The following KANSL3 variants were observed in gnomAD, a reference collection of about 807,000 sequenced individuals.
KANSL3 encodes the protein NSL complex protein NSL3.
In KANSL3, 16 loss-of-function variants were observed where a neutral mutation model predicts 89.2. That is an observed-to-expected ratio of 0.18 (90% CI 0.12 to 0.27). KANSL3 has a LOEUF of 0.27. KANSL3 is among the 10% of genes least tolerant of loss of function. KANSL3 has a pLI of 1.00. For synonymous variants in KANSL3, 385 were observed against 419.7 expected (o/e 0.92, Z 1.01); for missense variants, 879 against 1,110.6 (o/e 0.79, Z 2.96).
intron 14 of KANSL3, 123 bp downstream of exon 14, chr2:96,608,385 G>C (rs2068328935): frequency 3.2e-6 from 3 of 944,714 alleles, no homozygotes; most frequent in Non-Finnish European, 3.2e-6. Flanking sequence ...GCACAGAAAT[G>C]TGAGAAAGGG....
At chr2:96,611,250 C>T (rs1186912721) in intron 9 of KANSL3, 112 bp from the exon 10 acceptor site, 4 of 812,704 alleles carry the variant, frequency 4.9e-6, no homozygotes, top group Non-Finnish European at 8.5e-6. Context: ...TCTTCCTCTC[C>T]TGTCCTAATA....
rs576382900 is a variant in KANSL3, at chr2:96,632,592, A to G, written c.216-1110T>C. ...AATTTAGAAGACCAGCTAGGCAGCC[A>G]CTGCAGTTGACTGAGATGGGCCAGA... On this transcript the variant is annotated intron_variant, in intron 2 of 20. Transcript: ENST00000431828. Among the ~76,000 whole-genome samples, 18 of 152,360 alleles carry G rather than the reference A, an allele frequency of 1.2e-4. No homozygotes were observed. The South Asian group carries it at 3.5e-3, about 30-fold the overall frequency.
chr2:96,604,316 C>T lies in KANSL3; in HGVS notation c.2083G>A (p.Ala695Thr). The T allele has an allele frequency of 6.2e-7, 1 of 1,613,356 alleles. No homozygotes were observed. The highest frequency in any genetic ancestry group is 1.3e-5 in the African/African-American group (1 of 75,040). ...TGCAGTGTGTGCAAGGCACTGGGTG[C>T]AGTGCTGCTGGAGACCACTGAAGGG... The part of the protein sequence containing the change: ...PVPSVVSSST[A>T]PSALHTLQSR... Residue 695 changes from alanine to threonine, a missense_variant, in exon 17 of 21, where the codon GCA (alanine) becomes ACA (threonine). Around this residue, in one of 6 missense-constraint regions of KANSL3, gnomAD observed 317 missense variants for 311.2 expected, o/e 1.02. Transcript: ENST00000431828.
At chr2:96,636,623 T>C in intron 2 of KANSL3, 1 of 309,642 alleles carries the variant, frequency 3.2e-6, no homozygotes, top group Non-Finnish European at 5.9e-6. Flanking sequence ...TTCAGTCTTT[T>C]TCTTCACCAG....
chr2:96,597,175 T>C (rs563906282), intron 20 of KANSL3, among the ~76,000 whole-genome samples: 3 of 152,332 alleles, frequency 2.0e-5, no homozygotes, highest in South Asian at 4.1e-4. Flanking sequence ...AATACCATTA[T>C]CACACATTAA....
intron 2 of KANSL3, 199 bp from the exon 3 acceptor site, chr2:96,631,681 T>C (rs1423948417): frequency 1.5e-6 from 1 of 684,154 alleles, no homozygotes; most frequent in African/African-American, 1.8e-5. Context: ...CATGATGGTA[T>C]GTACTGGAAG....
the KANSL3 span, among the ~76,000 whole-genome samples, chr2:96,582,320 C>A: frequency 5.3e-5 from 8 of 152,210 alleles, no homozygotes; most frequent in East Asian, 1.5e-3. Context: ...ATCGCTTGAA[C>A]CCAGGAGGTG....
At chr2:96,584,345 T>C in the KANSL3 span, among the ~76,000 whole-genome samples, 2 of 152,294 alleles carry the variant, frequency 1.3e-5, no homozygotes, top group East Asian at 3.9e-4. Context: ...TGGCATATAA[T>C]TGTATGTATT....
In KANSL3 at chr2:96,611,903, A is replaced by ATGTG. The variant is rs59217274; in HGVS notation, c.1086+375_1086+378dup. On this transcript the variant is annotated intron_variant, in intron 9 of 20. Transcript: ENST00000431828. ...TTTTTTTCCACAGATATATACCCAT[A>ATGTG]TGTGTGTGTGTGTGTGTGTGTGTGT... Among the ~76,000 whole-genome samples the ATGTG allele has an allele frequency of 7.4e-3, 833 of 113,312 alleles. 8 individuals are homozygous for ATGTG. Among genetic ancestry groups the ATGTG allele is most frequent in the African/African-American group, 0.013 (343 of 27,164 alleles). The allele number at this position is 113,312 out of a possible 152,430, so 74.3% of individuals were successfully genotyped here. A position where few individuals can be genotyped will look rare whatever the true frequency, so the allele number is the denominator to read the frequency against.
At chr2:96,620,917 G>A (rs548080361) in intron 3 of KANSL3, among the ~76,000 whole-genome samples, 34 of 152,110 alleles carry the variant, frequency 2.2e-4, no homozygotes, top group African/African-American at 6.5e-4. Flanking sequence ...TGGGAGAATC[G>A]CTTGAGCCCA....
chr2:96,600,350 C>A, intron 20 of KANSL3: 1 of 742,746 alleles, frequency 1.3e-6, no homozygotes, highest in Non-Finnish European at 1.6e-6. Context: ...TTAATTATTT[C>A]TATAATGTTT....
At chr2:96,598,543 G>T (rs1252101408) in intron 20 of KANSL3, among the ~76,000 whole-genome samples, 1 of 152,116 alleles carries the variant, frequency 6.6e-6, no homozygotes, top group Non-Finnish European at 1.5e-5. Context: ...CACTGAAAAA[G>T]CCACTGCATC....
intron 19 of KANSL3, 145 bp downstream of exon 19, chr2:96,601,971 T>C (rs2105034125): frequency 6.0e-6 from 7 of 1,159,980 alleles, no homozygotes; most frequent in Non-Finnish European, 8.3e-6. Context: ...CTCTGGGGGA[T>C]GGGTCCACAC....
chr2:96,619,310 G>A (rs746486050), intron 5 of KANSL3, 49 bp downstream of exon 5: 1 of 1,533,564 alleles, frequency 6.5e-7, no homozygotes, highest in Non-Finnish European at 8.9e-7. Context: ...GAACCCACAG[G>A]GGAGGATGGC....
At position 96,601,709 on chromosome 2, in the gene KANSL3, G is replaced by A. The variant is rs2067210699; in HGVS notation, c.2550C>T (p.Ser850=). ...ATGGGGCTGCTCCTGAGCCCATAGGGCTCAGTGTAGTGATCCTGCTCGGCT... is the reference window on the plus strand; with the variant it reads ...ATGGGGCTGCTCCTGAGCCCATAGGACTCAGTGTAGTGATCCTGCTCGGCT... The part of the protein sequence containing the change: ...RGQPSRITTL[S]PMGSGAAPSE... Residue 850 remains serine (S), a synonymous_variant, in exon 20 of 21, where the codon AGC becomes AGT. Transcript: ENST00000431828. 6.2e-7 allele frequency: 1 copy of A among 1,612,238 alleles called. No individual in the cohort carries two copies. The highest frequency in any genetic ancestry group is 2.2e-5 in the East Asian group (1 of 44,814).
the KANSL3 span, among the ~76,000 whole-genome samples, chr2:96,583,313 T>C: frequency 6.6e-6 from 1 of 152,208 alleles, no homozygotes; most frequent in Non-Finnish European, 1.5e-5. Context: ...TATTACCAGA[T>C]GTGGGCCCCT....
At position 96,627,822 on chromosome 2, in the gene KANSL3, CT is replaced by C. The variant is rs2072648578; in HGVS notation, c.386+3489del. Reference sequence around the variant, plus strand: ...GAAGGAACTGCAAGCTCCAAACAGGCTACAGATTCAGGGACAGGGTCATAAA... The same window carrying C: ...GAAGGAACTGCAAGCTCCAAACAGGCACAGATTCAGGGACAGGGTCATAAA... On this transcript the variant is annotated intron_variant, in intron 3 of 20. Transcript: ENST00000431828. 2.0e-5 allele frequency: 19 copies of C among 960,244 alleles called. 2 individuals are homozygous for C. In the South Asian group the frequency reaches 2.3e-4, roughly 12 times the overall value. 59.5% of individuals were successfully genotyped at this position (960,244 alleles called of 1,614,324 possible).
At chr2:96,627,891 A>G in intron 3 of KANSL3, 1 of 1,288,278 alleles carries the variant, frequency 7.8e-7, no homozygotes, top group Non-Finnish European at 1.0e-6. Flanking sequence ...ATCATAAATA[A>G]TAAAATCGGC....
intron 1 of KANSL3, chr2:96,637,879 G>A (rs2074470453): frequency 6.6e-6 from 1 of 152,352 alleles, no homozygotes; most frequent in African/African-American, 2.4e-5. Context: ...CCAGGACCCC[G>A]GCTGCCCCGC....
Sources: gnomAD v4.1 joint callset for allele counts (sites outside exome capture counted in the v4.1 genomes callset) on GRCh38, gnomAD v4.1.1 for gene constraint, gnomAD v4.1.1 regional missense constraint, MANE v1.5 for transcripts, NCBI Gene and HGNC (gene_info 2026-07-23, HGNC 2026-07-21) for gene names.